Variants in DAPK2 observed in about 807,000 individuals in gnomAD.
The protein encoded by DAPK2 is death-associated protein kinase 2.
DAPK2 carries 35 observed loss-of-function variants against 44.1 expected under a neutral mutation model. The observed-to-expected ratio is 0.79, with a 90% CI of 0.61 to 1.05. The LOEUF (loss-of-function observed/expected upper bound fraction) is 1.05, where lower values mean the gene tolerates loss of function less well. DAPK2 is among the 50% of genes least tolerant of loss of function. DAPK2 has a pLI of 0.00. For missense variants in DAPK2, 453 were observed against 483.2 expected (o/e 0.94, Z 0.59); for synonymous variants, 174 against 182.6 (o/e 0.95, Z 0.38).
chr15:64,011,804 C>A (rs2079397430), intron 1 of DAPK2, among the ~76,000 whole-genome samples: 1 of 152,178 alleles, frequency 6.6e-6, no homozygotes, highest in Admixed American at 6.5e-5. Flanking sequence ...AATGCAAGTC[C>A]TTGAGAACTC....
rs2079432083 is a variant in DAPK2 at position 64,013,142 on chromosome 15, T to C, written c.92+27028A>G. Among the ~76,000 whole-genome samples the C allele has an allele frequency of 6.6e-6, 1 of 152,146 alleles. No homozygotes were observed. Among genetic ancestry groups the C allele is most frequent in the Non-Finnish European group, 1.5e-5 (1 of 68,010 alleles). ...AACCCATAAGGTGGCAACCAAATCA[T>C]TAAAGAGCCGACTCATTTCACGGTG... On this transcript the variant is annotated intron_variant, in intron 1 of 10. Transcript: ENST00000261891. This position sits in a 1 kb window ranked among gnomAD's most constrained non-coding sequence, Gnocchi z 4.7.
Position 63,990,749 on chromosome 15 carries a change from C to T in DAPK2, c.93-6995G>A, listed in dbSNP as rs17788807. On this transcript the variant is annotated intron_variant, in intron 1 of 10. Coordinates refer to ENST00000261891, the Ensembl canonical transcript of DAPK2. The surrounding 1 kb of genome is among the most constrained non-coding windows in gnomAD (Gnocchi z 4.3). ...CCGTGATTCCTCTGGAATTACCCTG[C>T]GAGGTTTCAGGGCCATAGGGCAGGG... Among the ~76,000 whole-genome samples the T allele has an allele frequency of 0.21, 32,695 of 152,094 alleles. 4,543 individuals carry two copies. Among genetic ancestry groups the T allele is most frequent in the East Asian group, 0.82 (4,253 of 5,158 alleles).
intron 4 of DAPK2, among the ~76,000 whole-genome samples, chr15:63,937,592 G>A (rs1170462558): frequency 6.6e-6 from 1 of 152,046 alleles, no homozygotes; most frequent in Non-Finnish European, 1.5e-5. Flanking sequence ...CCCCTCTTCA[G>A]AGACCTCTCC....
intron 1 of DAPK2, among the ~76,000 whole-genome samples, chr15:63,996,090 T>C (rs1460122484): frequency 6.6e-6 from 1 of 152,208 alleles, no homozygotes; most frequent in East Asian, 1.9e-4. Flanking sequence ...CTTTGCACCA[T>C]GGATTCTCAA....
intron 3 of DAPK2, among the ~76,000 whole-genome samples, chr15:63,942,537 G>A (rs1268805177): frequency 6.6e-6 from 1 of 151,628 alleles, no homozygotes; most frequent in Non-Finnish European, 1.5e-5. Flanking sequence ...GGGCGACAAA[G>A]TGAGACTCCA....
rs1262091671 is a variant in DAPK2, at chr15:64,046,199, C to G, written c.-7+99G>C. On this transcript the variant is annotated intron_variant, in intron 1 of 11. Coordinates refer to the DAPK2 transcript ENST00000457488. The surrounding 1 kb of genome is among the most constrained non-coding windows in gnomAD (Gnocchi z 5.3). Reference sequence around the variant, plus strand: ...GGCCCGGGATCTGCGAGCGAGTGCCCCGGATCTCTTCGCCCCGCCAGCCCC... The same window carrying G: ...GGCCCGGGATCTGCGAGCGAGTGCCGCGGATCTCTTCGCCCCGCCAGCCCC... 2.6e-5 allele frequency: 11 copies of G among 418,484 alleles called. No individual in the cohort carries two copies. Among genetic ancestry groups the G allele is most frequent in the Non-Finnish European group, 3.2e-5 (10 of 310,930 alleles). 25.9% of individuals were successfully genotyped at this position (418,484 alleles called of 1,614,324 possible). A position where few individuals can be genotyped will look rare whatever the true frequency, so the allele number is the denominator to read the frequency against.
rs2078971933 is a variant in DAPK2, at chr15:63,917,943, G to C, written c.859-5746C>G. ...GTTGGCTGGGTCCCCATCTGCCCCA[G>C]ACACTGAATCTTTTATTTGAGGTTA... On this transcript the variant is annotated intron_variant, in intron 8 of 10. Coordinates refer to ENST00000261891, the Ensembl canonical transcript of DAPK2. The surrounding 1 kb of genome is among the most constrained non-coding windows in gnomAD (Gnocchi z 4.4). 1 of 152,178 alleles carries C rather than the reference G, an allele frequency of 6.6e-6. No homozygotes were observed. The highest frequency in any genetic ancestry group is 2.1e-4 in the South Asian group (1 of 4,830). 9.4% of individuals were successfully genotyped at this position (152,178 alleles called of 1,614,324 possible).
chr15:64,011,163 G>A (rs991284579), intron 1 of DAPK2, among the ~76,000 whole-genome samples: 1 of 152,188 alleles, frequency 6.6e-6, no homozygotes, highest in Non-Finnish European at 1.5e-5. Flanking sequence ...AAACACAGGT[G>A]GAGGATTGGC....
At position 64,000,093 on chromosome 15, in the gene DAPK2, A is replaced by G. The variant is rs562811408; in HGVS notation, c.93-16339T>C. Among the ~76,000 whole-genome samples, 45 of 152,170 alleles carry G rather than the reference A, an allele frequency of 3.0e-4. 1 individual carries two copies. The highest frequency in any genetic ancestry group is 9.9e-4 in the African/African-American group (41 of 41,520). On this transcript the variant is annotated intron_variant, in intron 1 of 10. Transcript: ENST00000261891. The stretch of plus-strand genomic sequence containing the variant: ...ACGTTTTCAAATAAGCCTTACATAG[A>G]TGTTTAATGTACAGAATAGATCAAA...
chr15:63,922,611 G>A, intron 8 of DAPK2: 1 of 1,425,768 alleles, frequency 7.0e-7, no homozygotes, highest in Non-Finnish European at 9.1e-7. Flanking sequence ...CTGTGGAGGG[G>A]CTGGAAGGCT....
chr15:63,948,704 C>T (rs1220026703), intron 3 of DAPK2, among the ~76,000 whole-genome samples: 1 of 152,230 alleles, frequency 6.6e-6, no homozygotes, highest in African/African-American at 2.4e-5. Context: ...TTCCTCCACA[C>T]ACGCAACCTA....
chr15:64,036,827 C>T (rs1896995775), intron 1 of DAPK2, among the ~76,000 whole-genome samples: 1 of 152,106 alleles, frequency 6.6e-6, no homozygotes, highest in Admixed American at 6.5e-5. Context: ...GCTCTTCTTC[C>T]TGCAGTCCCA....
chr15:64,039,648 T>G (rs774548054), intron 1 of DAPK2, among the ~76,000 whole-genome samples: 1 of 152,214 alleles, frequency 6.6e-6, no homozygotes, highest in African/African-American at 2.4e-5. Flanking sequence ...ACCCTGGCTG[T>G]GCTCTGGGCT....
At chr15:63,956,962 T>C (rs1167278265) in intron 3 of DAPK2, among the ~76,000 whole-genome samples, 1 of 152,260 alleles carries the variant, frequency 6.6e-6, no homozygotes, top group Non-Finnish European at 1.5e-5. Context: ...CTGAGCAGAA[T>C]GTGTATTCTG....
chr15:63,940,082 A>G (rs8028927), intron 3 of DAPK2, among the ~76,000 whole-genome samples: 84,960 of 151,970 alleles, frequency 0.56, 24,445 homozygotes, highest in East Asian at 0.94. Context: ...CCTGGCCCTC[A>G]CACACCCCAG....
intron 3 of DAPK2, among the ~76,000 whole-genome samples, chr15:63,958,963 A>T (rs4776271): frequency 6.6e-6 from 1 of 151,928 alleles, no homozygotes; most frequent in Admixed American, 6.6e-5. Context: ...CATTTTCACA[A>T]TATTGATTCT....
intron 1 of DAPK2, among the ~76,000 whole-genome samples, chr15:64,045,995 C>G (rs2080452861): frequency 1.3e-5 from 2 of 152,230 alleles, no homozygotes; most frequent in Admixed American, 1.3e-4. Context: ...GGGCCTAACT[C>G]GATGGACGTC....
intron 4 of DAPK2, 42 bp from the exon 6 acceptor site, chr15:63,930,497 T>C: frequency 6.3e-7 from 1 of 1,594,332 alleles, no homozygotes; most frequent in Non-Finnish European, 8.6e-7. Flanking sequence ...AGTGTGAAAA[T>C]GAGAGGAGAG....
rs1162346140 is a variant in DAPK2, at chr15:63,939,325, T to C, written c.490A>G (p.Ile164Val). ...AAGTCAATCAGCTTGATGTGTGGAA[T>C]GGGAATATTCTTGTCTAACAACATA... is the stretch of plus-strand genomic sequence containing the variant. Residue 164 changes from isoleucine to valine, a missense_variant, in exon 4 of 11, where the codon ATT becomes GTT. Ile to Val is a conservative substitution (Grantham distance 29). Coordinates refer to ENST00000261891, the Ensembl canonical transcript of DAPK2. This position sits in a 1 kb window ranked among gnomAD's most constrained non-coding sequence, Gnocchi z 4.3. 1 of 1,610,902 alleles carries C rather than the reference T, an allele frequency of 6.2e-7. No individual in the cohort carries two copies. The highest frequency in any genetic ancestry group is 8.5e-7 in the Non-Finnish European group (1 of 1,179,496).
Sources: gnomAD v4.1 joint callset for allele counts (sites outside exome capture counted in the v4.1 genomes callset) on GRCh38, gnomAD v4.1.1 for gene constraint, Gnocchi (gnomAD v3.1) non-coding constraint, MANE v1.5 for transcripts, NCBI Gene and HGNC (gene_info 2026-07-23, HGNC 2026-07-21) for gene names.